Variants in ATG16L1 observed in about 807,000 individuals in gnomAD.
ATG16L1 encodes autophagy-related protein 16-1.
A neutral mutation model predicts 88.5 loss-of-function variants in ATG16L1; 37 were observed. That is an observed-to-expected ratio of 0.42 (90% CI 0.32 to 0.55). The LOEUF (loss-of-function observed/expected upper bound fraction) is 0.55, where lower values mean the gene tolerates loss of function less well. ATG16L1 is among the 20% of genes least tolerant of loss of function. ATG16L1 has a pLI of 0.13. For missense variants in ATG16L1, 554 were observed against 752.8 expected (o/e 0.74, Z 3.09); for synonymous variants, 301 against 281.0 (o/e 1.07, Z -0.71).
intron 6 of ATG16L1, 74 bp downstream of exon 6, chr2:233,270,141 T>TA: frequency 6.9e-7 from 1 of 1,459,574 alleles, no homozygotes; most frequent in South Asian, 1.4e-5. Context: ...TTTTATTTTT[T>TA]TTTTTGTTTG....
rs568015141 is a variant in ATG16L1, at chr2:233,275,592, G to T, written c.954+814G>T. The T allele has an allele frequency of 6.1e-4, 256 of 421,832 alleles. 4 individuals carry two copies. The highest frequency in any genetic ancestry group is 4.6e-3 in the African/African-American group (224 of 49,006). The allele number at this position is 421,832 out of a possible 1,614,324, so 26.1% of individuals were successfully genotyped here. A position where few individuals can be genotyped will look rare whatever the true frequency, so the allele number is the denominator to read the frequency against. The stretch of plus-strand genomic sequence containing the variant: ...GACTTAGCTAGTTACACAGTGGACT[G>T]GCTGAGTGATGAACTGCCTTGACTG... On this transcript the variant is annotated intron_variant, in intron 9 of 17. Coordinates refer to ENST00000392017, the MANE Select transcript of ATG16L1 (RefSeq NM_030803.7).
At chr2:233,260,577 A>G (rs772042548) in intron 2 of ATG16L1, among the ~76,000 whole-genome samples, 2 of 152,206 alleles carry the variant, frequency 1.3e-5, no homozygotes, top group Non-Finnish European at 2.9e-5. Context: ...TGCTTGAAAC[A>G]TGCCCTCGGA....
At chr2:233,253,352 T>G (rs962310208) in intron 1 of ATG16L1, among the ~76,000 whole-genome samples, 1 of 140,894 alleles carries the variant, frequency 7.1e-6, no homozygotes, top group African/African-American at 2.6e-5. Flanking sequence ...TTTTTTTTTT[T>G]TTTTTTTTTG....
chr2:233,289,738 G>A (rs1699332694), intron 12 of ATG16L1, 116 bp from the exon 13 acceptor site: 10 of 1,374,030 alleles, frequency 7.3e-6, no homozygotes, highest in Middle Eastern at 2.4e-4. Context: ...GTTCCTGGCC[G>A]GATCTCAGGG....
intron 14 of ATG16L1, among the ~76,000 whole-genome samples, chr2:233,291,601 G>A (rs1397365468): frequency 1.3e-5 from 2 of 152,106 alleles, no homozygotes; most frequent in Non-Finnish European, 2.9e-5. Context: ...CCTGGACATG[G>A]GCCACAGCAC....
chr2:233,253,328 C>G (rs1050702067), intron 1 of ATG16L1, among the ~76,000 whole-genome samples: 9 of 125,922 alleles, frequency 7.1e-5, no homozygotes, highest in Middle Eastern at 4.7e-3. Context: ...AATGGTGAGA[C>G]TGGGTTTTTT....
chr2:233,258,733 G>C lies in ATG16L1; in HGVS notation c.209+2538G>C, dbSNP rs569353553. On this transcript the variant is annotated intron_variant, in intron 2 of 17. Transcript: ENST00000392017. ...CTTTTTTGAGGCAGGGTCTCTCTCT[G>C]TTGCCCAGGCTGGAGTGCAGTGGCA... Among the ~76,000 whole-genome samples the C allele has an allele frequency of 1.1e-4, 17 of 152,298 alleles. No homozygotes were observed. The South Asian group carries it at 1.2e-3, about 11-fold the overall frequency.
chr2:233,262,397 C>T (rs1697276272), intron 2 of ATG16L1, among the ~76,000 whole-genome samples: 1 of 152,190 alleles, frequency 6.6e-6, no homozygotes, highest in African/African-American at 2.4e-5. Context: ...AGCAGCTTCC[C>T]TTCACGCCTA....
At chr2:233,286,565 A>T (rs1028369032) in intron 12 of ATG16L1, among the ~76,000 whole-genome samples, 2 of 150,802 alleles carry the variant, frequency 1.3e-5, no homozygotes, top group African/African-American at 4.9e-5. Flanking sequence ...ACAGTGAGTC[A>T]GCCTCAGGCA....
intron 1 of ATG16L1, among the ~76,000 whole-genome samples, chr2:233,254,590 C>T (rs1053999437): frequency 6.6e-6 from 1 of 152,174 alleles, no homozygotes; most frequent in East Asian, 1.9e-4. Context: ...GGGAAGGACT[C>T]CTTTTGAACG....
chr2:233,272,643 G>T (rs926402387), intron 6 of ATG16L1, among the ~76,000 whole-genome samples: 3 of 152,128 alleles, frequency 2.0e-5, no homozygotes, highest in Non-Finnish European at 2.9e-5. Flanking sequence ...CCCTACTTTG[G>T]CACTGGTTAT....
chr2:233,264,115 C>T (rs1697401427), intron 4 of ATG16L1, 50 bp downstream of exon 4: 1 of 1,592,356 alleles, frequency 6.3e-7, no homozygotes, highest in Non-Finnish European at 8.6e-7. Context: ...GTCCCATGTC[C>T]TTTGTTCTGC....
chr2:233,273,568 G>T, intron 7 of ATG16L1, 153 bp from the exon 8 acceptor site: 1 of 630,932 alleles, frequency 1.6e-6, no homozygotes, highest in Non-Finnish European at 2.8e-6. Context: ...CTGTTTTCTG[G>T]CAGTTTGGTA....
chr2:233,288,451 C>G (rs760845983), intron 12 of ATG16L1, among the ~76,000 whole-genome samples: 3 of 151,958 alleles, frequency 2.0e-5, no homozygotes, highest in Non-Finnish European at 4.4e-5. Flanking sequence ...CCAGCTAATT[C>G]GAATTTTTTT....
At position 233,294,361 on chromosome 2, in the gene ATG16L1, AG is replaced by A; in HGVS notation, c.*14del. The A allele has an allele frequency of 6.2e-7, 1 of 1,609,716 alleles. No individual in the cohort carries two copies. Among genetic ancestry groups the A allele is most frequent in the Non-Finnish European group, 8.5e-7 (1 of 1,176,962 alleles). ...TGGGCACAGTACTGACGGGGCTCTC[AG>A]GGCTGGGAGGACCCCAGTGCCCTCC... is the stretch of plus-strand genomic sequence containing the variant. On this transcript the variant is annotated 3_prime_UTR_variant, in exon 18 of 18. Transcript: ENST00000392017.
intron 7 of ATG16L1, 27 bp from the exon 8 acceptor site, chr2:233,273,694 T>A (rs768985323): frequency 6.2e-7 from 1 of 1,612,058 alleles, no homozygotes; most frequent in Admixed American, 1.7e-5. Flanking sequence ...TTTCTAAGGT[T>A]TAAACCTATC....
intron 11 of ATG16L1, among the ~76,000 whole-genome samples, chr2:233,282,321 A>T (rs1170882849): frequency 6.6e-6 from 1 of 152,156 alleles, no homozygotes; most frequent in Non-Finnish European, 1.5e-5. Context: ...TCTCAGAGTG[A>T]GAGTTGGGAG....
At chr2:233,292,562 A>G in intron 16 of ATG16L1, 128 bp downstream of exon 16, 1 of 1,153,314 alleles carries the variant, frequency 8.7e-7, no homozygotes, top group Non-Finnish European at 1.3e-6. Flanking sequence ...GTGTGCCTGT[A>G]AGTTCATAAT....
At chr2:233,256,054 C>T in intron 1 of ATG16L1, 48 bp from the exon 2 acceptor site, 1 of 1,480,804 alleles carries the variant, frequency 6.8e-7, no homozygotes, top group Non-Finnish European at 9.4e-7. Context: ...AGCAAGTGTA[C>T]ATACGTTGTA....
Sources: allele counts gnomAD v4.1 joint callset (sites outside exome capture counted in the v4.1 genomes callset), GRCh38; gene constraint gnomAD v4.1.1; transcripts MANE v1.5; gene names NCBI Gene and HGNC (gene_info 2026-07-23, HGNC 2026-07-21).